PID1: variants seen among roughly 807,000 people sequenced by gnomAD.
The protein encoded by PID1 is phosphotyrosine interaction domain containing 1, also known as PTB-containing, cubilin and LRP1-interacting protein.
Under a neutral mutation model 19.1 loss-of-function variants are expected in PID1, and 10 were observed. That is an observed-to-expected ratio of 0.52 (90% confidence interval 0.32 to 0.89). The LOEUF (loss-of-function observed/expected upper bound fraction) is 0.89, where lower values mean the gene tolerates loss of function less well. Ranked by LOEUF, PID1 falls within the 40% of genes least tolerant of loss-of-function variation. The probability of loss-of-function intolerance (pLI) is 0.03; values close to 1 mark genes in which losing one functional copy is unlikely to be tolerated. For synonymous variants in PID1, 130 were observed against 116.0 expected (o/e 1.12, Z -0.78); for missense variants, 248 against 285.3 (o/e 0.87, Z 0.94).
At chr2:229,173,968 C>G (rs1360011871) in intron 1 of PID1, among the ~76,000 whole-genome samples, 3 of 152,202 alleles carry the variant, frequency 2.0e-5, no homozygotes, top group Admixed American at 1.3e-4. Flanking sequence ...GCTCCACTTA[C>G]CTCACTCCTG....
intron 2 of PID1, among the ~76,000 whole-genome samples, chr2:229,040,380 G>A (rs1198049246): frequency 1.3e-5 from 2 of 152,084 alleles, no homozygotes; most frequent in African/African-American, 4.8e-5. Context: ...AGCAAGTAGG[G>A]GAAGTGAAAG....
chr2:229,270,193 G>A (rs1690698564), intron 1 of PID1, among the ~76,000 whole-genome samples: 1 of 152,208 alleles, frequency 6.6e-6, no homozygotes, highest in Admixed American at 6.5e-5. Flanking sequence ...GGATTCAGTG[G>A]ATTTTATCTG....
At chr2:229,095,608 C>A (rs1694957984) in intron 2 of PID1, among the ~76,000 whole-genome samples, 1 of 152,084 alleles carries the variant, frequency 6.6e-6, no homozygotes, top group Non-Finnish European at 1.5e-5. Context: ...CATTGATAAG[C>A]AAATTTCTTT....
intron 2 of PID1, among the ~76,000 whole-genome samples, chr2:229,141,075 T>C (rs1260780465): frequency 3.3e-5 from 5 of 152,062 alleles, no homozygotes; most frequent in Non-Finnish European, 7.4e-5. Flanking sequence ...GGATGACTTA[T>C]CTTCCTCTCT....
At chr2:229,153,587 AT>A (rs149776329) in intron 2 of PID1, among the ~76,000 whole-genome samples, 2 of 151,138 alleles carry the variant, frequency 1.3e-5, no homozygotes, top group South Asian at 2.1e-4. Context: ...ATTTCCTACT[AT>A]TTTTTTTTCA....
chr2:229,116,003 G>C (rs774953548), intron 2 of PID1, among the ~76,000 whole-genome samples: 1 of 151,980 alleles, frequency 6.6e-6, no homozygotes, highest in Non-Finnish European at 1.5e-5. Flanking sequence ...GGCAGATCAC[G>C]AGTTCAGGAG....
At chr2:229,225,071 C>T (rs896190929) in intron 1 of PID1, among the ~76,000 whole-genome samples, 4 of 152,216 alleles carry the variant, frequency 2.6e-5, no homozygotes, top group East Asian at 3.9e-4. Context: ...TTTCTATATT[C>T]CCTCTACTTC....
chr2:229,158,689 T>C (rs1255335521), intron 1 of PID1, among the ~76,000 whole-genome samples: 2 of 152,100 alleles, frequency 1.3e-5, no homozygotes, highest in African/African-American at 4.8e-5. Context: ...GGACCTGGTA[T>C]GGTTTATGAA....
chr2:229,114,610 T>G (rs1695372928), intron 2 of PID1, among the ~76,000 whole-genome samples: 1 of 152,098 alleles, frequency 6.6e-6, no homozygotes, highest in South Asian at 2.1e-4. Flanking sequence ...GACCCTTCCC[T>G]CCTCCTACAA....
chr2:229,094,325 C>T (rs1694932802), intron 2 of PID1, among the ~76,000 whole-genome samples: 1 of 152,004 alleles, frequency 6.6e-6, no homozygotes, highest in Non-Finnish European at 1.5e-5. Flanking sequence ...CATCCCATGG[C>T]CATGGATTAG....
chr2:229,091,601 C>A (rs1323611989), intron 2 of PID1, among the ~76,000 whole-genome samples: 2 of 152,144 alleles, frequency 1.3e-5, no homozygotes, highest in Non-Finnish European at 2.9e-5. Context: ...CCTTCTGTCA[C>A]CGCAAAAAGA....
At chr2:229,172,888 T>C (rs1445694598) in intron 1 of PID1, among the ~76,000 whole-genome samples, 3 of 152,080 alleles carry the variant, frequency 2.0e-5, no homozygotes, top group Non-Finnish European at 4.4e-5. Context: ...CGTGCCACCA[T>C]GCCCGGCTGA....
intron 1 of PID1, among the ~76,000 whole-genome samples, chr2:229,166,213 G>A (rs1278014670): frequency 1.3e-5 from 2 of 152,140 alleles, no homozygotes. Flanking sequence ...AACAAAAAAA[G>A]AGAACATACT....
In PID1 at chr2:229,145,749, C is replaced by A. The variant is rs537235041; in HGVS notation, c.177+10069G>T. 8.5e-5 allele frequency among the ~76,000 whole-genome samples: 13 copies of A among 152,144 alleles called. No individual in the cohort carries two copies. In the East Asian group the frequency reaches 2.5e-3, roughly 29 times the overall value. ...CTTTTACAAACACTGTTTCATGTGC[C>A]CACTATATTAGAAGATAACAAACTA... On this transcript the variant is annotated intron_variant, in intron 2 of 2. Coordinates refer to ENST00000392055, the MANE Select transcript of PID1 (RefSeq NM_001100818.2).
chr2:229,208,594 T>C lies in PID1; in HGVS notation c.31-52630A>G, dbSNP rs547645927. Among the ~76,000 whole-genome samples the C allele has an allele frequency of 4.5e-4, 69 of 152,352 alleles. No homozygotes were observed. The South Asian group carries it at 0.013, about 29-fold the overall frequency. ...GGCATTCCCTTCACTGTTTCCTTTA[T>C]TCTCCTCTTTCCTTTCTGCCCTCCC... On this transcript the variant is annotated intron_variant, in intron 1 of 2. Transcript: ENST00000392055.
chr2:229,231,784 G>A, intron 1 of PID1: 3 of 1,362,608 alleles, frequency 2.2e-6, no homozygotes, highest in Non-Finnish European at 3.0e-6. Context: ...TGTCTCAATA[G>A]TCCAGATGTG....
At chr2:229,040,790 G>A (rs1349798606) in intron 2 of PID1, among the ~76,000 whole-genome samples, 2 of 152,206 alleles carry the variant, frequency 1.3e-5, no homozygotes, top group South Asian at 2.1e-4. Flanking sequence ...ACTTTAGTTA[G>A]TAGGTTTATT....
chr2:229,248,216 A>G (rs2106281644), intron 1 of PID1, among the ~76,000 whole-genome samples: 1 of 152,292 alleles, frequency 6.6e-6, no homozygotes, highest in East Asian at 1.9e-4. Flanking sequence ...CATGTACTGC[A>G]CTGGGTTGTC....
intron 2 of PID1, among the ~76,000 whole-genome samples, chr2:229,041,331 C>T (rs1306212920): frequency 6.6e-6 from 1 of 152,042 alleles, no homozygotes; most frequent in Non-Finnish European, 1.5e-5. Flanking sequence ...TCCTGCTGGC[C>T]AAACTGGGGA....
Sources: gnomAD v4.1 joint callset for allele counts (sites outside exome capture counted in the v4.1 genomes callset) on GRCh38, gnomAD v4.1.1 for gene constraint, MANE v1.5 for transcripts, NCBI Gene and HGNC (gene_info 2026-07-23, HGNC 2026-07-21) for gene names.